MROH2B: variants seen among roughly 807,000 people sequenced by gnomAD.
MROH2B encodes maestro heat like repeat family member 2B.
Under a neutral mutation model 208.6 loss-of-function variants are expected in MROH2B, and 177 were observed. The observed-to-expected ratio is 0.85, with a 90% CI of 0.75 to 0.96. The LOEUF (loss-of-function observed/expected upper bound fraction) is 0.96, where lower values mean the gene tolerates loss of function less well. Ranked by LOEUF, MROH2B falls within the 40% of genes least tolerant of loss-of-function variation. The pLI, the probability that MROH2B is intolerant of heterozygous loss-of-function variation, is 0.00. For missense variants in MROH2B, 2,002 were observed against 1,878.7 expected, an observed-to-expected ratio of 1.07 and a Z score of -1.21; for synonymous variants, 728 against 659.0, an observed-to-expected ratio of 1.10 and a Z score of -1.60.
Position 41,012,754 on chromosome 5 carries a change from A to C in MROH2B, c.2983-19T>G. On this transcript the variant is annotated intron_variant, in intron 29 of 41. Transcript: ENST00000399564. Reference sequence around the variant, plus strand: ...TGACAATCTGAAAATGCACCCAGAAAGATTCGTGTAATCAACCACCCCATT... The same window carrying C: ...TGACAATCTGAAAATGCACCCAGAACGATTCGTGTAATCAACCACCCCATT... 6.2e-7 allele frequency: 1 copy of C among 1,612,890 alleles called. No individual in the cohort carries two copies.
At chr5:41,011,882 G>A (rs1175638892) in intron 30 of MROH2B, among the ~76,000 whole-genome samples, 1 of 152,076 alleles carries the variant, frequency 6.6e-6, no homozygotes, top group African/African-American at 2.4e-5. Context: ...TGCTCAGGCT[G>A]GTCTCAAACT....
At chr5:41,049,790 C>T (rs1743232826) in intron 13 of MROH2B, among the ~76,000 whole-genome samples, 1 of 152,130 alleles carries the variant, frequency 6.6e-6, no homozygotes, top group Non-Finnish European at 1.5e-5. Context: ...CCAAAAATCC[C>T]CCAAGTACTT....
intron 29 of MROH2B, among the ~76,000 whole-genome samples, chr5:41,014,638 C>T (rs78778644): frequency 6.6e-6 from 1 of 152,074 alleles, no homozygotes; most frequent in Non-Finnish European, 1.5e-5. Context: ...GCCCAGAAGG[C>T]CCTTGGATCA....
chr5:41,059,199 C>T (rs940467069), intron 6 of MROH2B, among the ~76,000 whole-genome samples: 1 of 152,092 alleles, frequency 6.6e-6, no homozygotes, highest in African/African-American at 2.4e-5. Flanking sequence ...TCTCACCTCC[C>T]ATTCACCTCT....
chr5:41,031,541 T>G (rs963330552), intron 24 of MROH2B, among the ~76,000 whole-genome samples: 1 of 152,114 alleles, frequency 6.6e-6, no homozygotes, highest in African/African-American at 2.4e-5. Context: ...AAAAAATTTT[T>G]GTGATTTCCC....
intron 2 of MROH2B, among the ~76,000 whole-genome samples, chr5:41,068,567 C>T (rs563684140): frequency 1.3e-5 from 2 of 152,320 alleles, no homozygotes; most frequent in Admixed American, 1.3e-4. Flanking sequence ...TGAATTTTAG[C>T]TGGCACCTTA....
chr5:41,016,759 G>A (rs1741968223), intron 28 of MROH2B, among the ~76,000 whole-genome samples: 1 of 151,738 alleles, frequency 6.6e-6, no homozygotes, highest in Admixed American at 6.6e-5. Flanking sequence ...GAGATTACAG[G>A]GTGACCCACC....
At chr5:41,000,639 G>GGAGA in intron 38 of MROH2B, 39 bp downstream of exon 38, 1 of 1,579,672 alleles carries the variant, frequency 6.3e-7, no homozygotes, top group Non-Finnish European at 8.6e-7. Flanking sequence ...TCAGCCATGG[G>GGAGA]GAGAGCAGGA....
At chr5:41,039,230 G>A (rs1398180799) in intron 20 of MROH2B, among the ~76,000 whole-genome samples, 2 of 152,134 alleles carry the variant, frequency 1.3e-5, no homozygotes, top group East Asian at 1.9e-4. Flanking sequence ...CATGCAGAGC[G>A]CATTTAGGAT....
intron 6 of MROH2B, 43 bp downstream of exon 6, chr5:41,061,527 C>A: frequency 6.5e-7 from 1 of 1,539,592 alleles, no homozygotes; most frequent in Non-Finnish European, 8.8e-7. Context: ...TTTCAACCAG[C>A]ATATAGGGAC....
intron 34 of MROH2B, among the ~76,000 whole-genome samples, chr5:41,006,535 C>T (rs188628932): frequency 1.3e-5 from 2 of 152,220 alleles, no homozygotes; most frequent in Admixed American, 6.5e-5. Flanking sequence ...TACTTGCACA[C>T]ACATGTTTAC....
rs868396601 is a variant in MROH2B at position 41,052,517 on chromosome 5, C to T, written c.1178G>A (p.Trp393Ter). The change falls in exon 12 of 42, where the codon TGG becomes TAG. Residue 393 changes from tryptophan (W) to a stop codon, truncating the protein, a stop_gained. Coordinates refer to ENST00000399564, the MANE Select transcript of MROH2B (RefSeq NM_173489.5). LOFTEE classifies it high-confidence loss of function. ...GGAGAAGACATAATCAATCAATGGC[C>T]ATCCTTCCCGAGCTTCAATATAGGA... ...EKSYIEAREG[W>*]PLIDYVFSQF... The T allele has an allele frequency of 6.2e-7, 1 of 1,612,688 alleles. No homozygotes were observed. The highest frequency in any genetic ancestry group is 8.5e-7 in the Non-Finnish European group (1 of 1,179,188).
In MROH2B at chr5:41,050,827, T is replaced by C; in HGVS notation, c.1344+150A>G. On this transcript the variant is annotated intron_variant, in intron 13 of 41. Coordinates refer to ENST00000399564, the MANE Select transcript of MROH2B (RefSeq NM_173489.5). ...TCTGTTTTTGAGGAACCACTATGTGTTGGACACAGCGTTGCAATATACTTC... is the reference window on the plus strand; with the variant it reads ...TCTGTTTTTGAGGAACCACTATGTGCTGGACACAGCGTTGCAATATACTTC... 6 of 582,586 alleles carry C rather than the reference T, an allele frequency of 1.0e-5. No individual in the cohort carries two copies. The South Asian group carries it at 1.4e-4, about 13-fold the overall frequency. The allele number at this position is 582,586 out of a possible 1,614,324, so 36.1% of individuals were successfully genotyped here. A position where few individuals can be genotyped will look rare whatever the true frequency, so the allele number is the denominator to read the frequency against.
chr5:41,057,158 A>G lies in MROH2B; in HGVS notation c.870T>C (p.Pro290=). ...CTTTCATTTCATTTTCCTTTACTGG[A>G]GGCTCTGGAGCTCTGCAGATCTGAA... ...LLQQICRAPE[P]PVKENEMKAS... is the part of the protein sequence containing the mutation. The change falls in exon 9 of 42, where the codon CCT becomes CCC. Residue 290 remains proline, a synonymous_variant. Coordinates refer to ENST00000399564, the MANE Select transcript of MROH2B (RefSeq NM_173489.5). 1 of 1,613,946 alleles carries G rather than the reference A, an allele frequency of 6.2e-7. No homozygotes were observed. The highest frequency in any genetic ancestry group is 8.5e-7 in the Non-Finnish European group (1 of 1,179,868).
intron 24 of MROH2B, among the ~76,000 whole-genome samples, chr5:41,022,096 G>A (rs776489551): frequency 2.0e-5 from 3 of 152,164 alleles, no homozygotes; most frequent in Non-Finnish European, 4.4e-5. Flanking sequence ...AATAGGAACA[G>A]CTCCAGTCTA....
chr5:41,009,249 G>A (rs770092128), intron 32 of MROH2B, 31 bp downstream of exon 32: 1 of 1,611,604 alleles, frequency 6.2e-7, no homozygotes, highest in Non-Finnish European at 8.5e-7. Context: ...GCAGTCTCAG[G>A]CAAGTGATGG....
chr5:40,999,619 G>A, intron 40 of MROH2B, 58 bp downstream of exon 40: 1 of 1,489,808 alleles, frequency 6.7e-7, no homozygotes. Flanking sequence ...TCTGGTCAAA[G>A]CAAAACTAGG....
At chr5:41,052,005 G>A (rs1018614401) in intron 12 of MROH2B, among the ~76,000 whole-genome samples, 1 of 152,034 alleles carries the variant, frequency 6.6e-6, no homozygotes, top group African/African-American at 2.4e-5. Context: ...TTACTTCACT[G>A]TTCCATGGTA....
chr5:41,066,830 A>G (rs569598233), intron 3 of MROH2B, among the ~76,000 whole-genome samples: 163 of 152,346 alleles, frequency 1.1e-3, no homozygotes, highest in Middle Eastern at 0.01. Flanking sequence ...GTCAATAGAC[A>G]GCTGTGTTAC....
Sources: gnomAD v4.1 joint callset for allele counts (sites outside exome capture counted in the v4.1 genomes callset) on GRCh38, gnomAD v4.1.1 for gene constraint, MANE v1.5 for transcripts, NCBI Gene and HGNC (gene_info 2026-07-23, HGNC 2026-07-21) for gene names.